Variants in CIB1 observed in about 807,000 individuals in gnomAD.
CIB1 encodes the protein calcium and integrin binding 1, also known as calcium and integrin-binding protein 1.
Under a neutral mutation model 25.0 loss-of-function variants are expected in CIB1, and 19 were observed. That is an observed-to-expected ratio of 0.76 (90% CI 0.53 to 1.12). The LOEUF is 1.12. CIB1 is among the 50% of genes most tolerant of loss of function. The pLI is 0.00. For synonymous variants in CIB1, 104 were observed against 98.5 expected (o/e 1.06, Z -0.33); for missense variants, 236 against 242.6 (o/e 0.97, Z 0.18).
chr15:90,241,614 G>A, the CIB1 span: 20 of 1,613,874 alleles, frequency 1.2e-5, no homozygotes, highest in Admixed American at 1.7e-5. Context: ...GGCGCCAAGC[G>A]AGCCCCTGGA....
At position 90,233,905 on chromosome 15, in the gene CIB1, C is replaced by A; in HGVS notation, c.-20G>T. On this transcript the variant is annotated 5_prime_UTR_variant, in exon 1 of 7. Transcript: ENST00000328649. The stretch of plus-strand genomic sequence containing the variant: ...CCCCATCGCCCCGCCGCGCGCACAG[C>A]TCCGCCAACTCGCCTCGAGACGCAG... 6.9e-7 allele frequency: 1 copy of A among 1,456,216 alleles called. No homozygotes were observed. The highest frequency in any genetic ancestry group is 9.0e-7 in the Non-Finnish European group (1 of 1,108,632). 90.2% of individuals were successfully genotyped at this position (1,456,216 alleles called of 1,614,324 possible). A position where few individuals can be genotyped will look rare whatever the true frequency, so the allele number is the denominator to read the frequency against.
At chr15:90,258,183 T>C in the CIB1 span, 1 of 1,614,256 alleles carries the variant, frequency 6.2e-7, no homozygotes, top group Non-Finnish European at 8.5e-7. Context: ...TTTTCCCCAG[T>C]ATCTGAATGG....
In CIB1 at chr15:90,231,341, T is replaced by C. The variant is rs372502181; in HGVS notation, c.346+16A>G. ...GGGAAGGGGTGGTGTCCTGCCGGGC[T>C]GCTCCTGGTTCTCACCAAAGATGCG... On this transcript the variant is annotated intron_variant, in intron 4 of 6. Transcript: ENST00000328649. 6.2e-7 allele frequency: 1 copy of C among 1,612,434 alleles called. No individual in the cohort carries two copies.
At chr15:90,250,993 A>G in the CIB1 span, 1 of 1,410,224 alleles carries the variant, frequency 7.1e-7, no homozygotes, top group South Asian at 1.4e-5. Context: ...CCTTTAGCCT[A>G]CAAAAGAGGA....
the CIB1 span, chr15:90,256,342 C>T: frequency 1.2e-6 from 2 of 1,610,840 alleles, no homozygotes; most frequent in Non-Finnish European, 1.7e-6. Flanking sequence ...GTCCCCAGCA[C>T]TGGGCTGCCT....
chr15:90,251,099 G>A, the CIB1 span, among the ~76,000 whole-genome samples: 1 of 144,736 alleles, frequency 6.9e-6, no homozygotes, highest in African/African-American at 2.6e-5. Context: ...GCCTGTTTAT[G>A]TCATCCTGGT....
At chr15:90,246,787 C>CAAAAAAAAAA in the CIB1 span, among the ~76,000 whole-genome samples, 55 of 45,248 alleles carry the variant, frequency 1.2e-3, 6 homozygotes, top group Non-Finnish European at 1.4e-3. Context: ...GACTCTGTCT[C>CAAAAAAAAAA]AAAAAAAAAA....
At chr15:90,241,006 A>G in the CIB1 span, 6 of 1,614,036 alleles carry the variant, frequency 3.7e-6, no homozygotes, top group Non-Finnish European at 5.1e-6. Context: ...GTTTATGGGC[A>G]GAAGGATCTC....
chr15:90,257,050 A>G, the CIB1 span: 67 of 1,254,844 alleles, frequency 5.3e-5, no homozygotes, highest in Non-Finnish European at 7.4e-5. Flanking sequence ...TGGAAATTCA[A>G]TTAGCTATGT....
chr15:90,233,519 G>C (rs1200640574), intron 2 of CIB1, 150 bp downstream of exon 2: 8 of 1,005,788 alleles, frequency 8.0e-6, no homozygotes, highest in South Asian at 7.0e-5. Flanking sequence ...GTGCCGGGAG[G>C]AGGGCGCAGC....
At position 90,232,260 on chromosome 15, in the gene CIB1, G is replaced by A. The variant is rs1254404308; in HGVS notation, c.154C>T (p.Gln52Ter). The A allele has an allele frequency of 6.2e-7, 1 of 1,612,966 alleles. No individual in the cohort carries two copies. Among genetic ancestry groups the A allele is most frequent in the East Asian group, 2.2e-5 (1 of 44,830 alleles). ...QRSVESSLRA[Q>*]VPFEQILSLP... ...CTGAGAATCTGCTCGAAGGGCACTTGTGCCCGAAGTGACGACTCCACGCTC... is the reference window on the plus strand; with the variant it reads ...CTGAGAATCTGCTCGAAGGGCACTTATGCCCGAAGTGACGACTCCACGCTC... The change falls in exon 3 of 7, where the codon CAA becomes TAA. Residue 52 changes from glutamine (Q) to a stop codon, truncating the protein, a stop_gained. Transcript: ENST00000328649. LOFTEE classifies it high-confidence loss of function.
the CIB1 span, chr15:90,242,253 CTTTTTTTTT>C: frequency 2.1e-3 from 190 of 89,184 alleles, no homozygotes; most frequent in Middle Eastern, 0.018. Flanking sequence ...ACACACCTGG[CTTTTTTTTT>C]TTTTTTTTTT....
At chr15:90,253,219 C>G in the CIB1 span, 1 of 1,577,428 alleles carries the variant, frequency 6.3e-7, no homozygotes, top group East Asian at 2.2e-5. Context: ...GGTGTCCATG[C>G]TGGCACTACT....
chr15:90,231,610 G>C (rs1962494766), intron 3 of CIB1, 103 bp from the exon 4 acceptor site: 4 of 1,361,910 alleles, frequency 2.9e-6, no homozygotes, highest in East Asian at 4.7e-5. Flanking sequence ...AGCGAGCTCA[G>C]CCTCGTGGGG....
In CIB1 at chr15:90,231,032, G is replaced by T; in HGVS notation, c.466-10C>A. 1 of 1,613,790 alleles carries T rather than the reference G, an allele frequency of 6.2e-7. No individual in the cohort carries two copies. The highest frequency in any genetic ancestry group is 8.5e-7 in the Non-Finnish European group (1 of 1,179,678). On this transcript the variant is annotated splice_polypyrimidine_tract_variant and intron_variant, in intron 5 of 6. Transcript: ENST00000328649. Reference sequence around the variant, plus strand: ...CAGACTCCTCCAGGATCTGGGAAAGGGAGAGTTTCAGGCCAGAGCCCCAAC... The same window carrying T: ...CAGACTCCTCCAGGATCTGGGAAAGTGAGAGTTTCAGGCCAGAGCCCCAAC...
chr15:90,258,085 C>G, the CIB1 span: 2 of 1,614,220 alleles, frequency 1.2e-6, no homozygotes, highest in Non-Finnish European at 1.7e-6. Context: ...AGCTACAACC[C>G]TGGAGAGCTG....
chr15:90,262,361 CCT>C, the CIB1 span: 1 of 1,156,554 alleles, frequency 8.6e-7, no homozygotes, highest in South Asian at 1.7e-5. Flanking sequence ...CCTATCTTCC[CCT>C]CTCATTGCTC....
chr15:90,250,570 G>GGAGGTCT, the CIB1 span: 6 of 1,551,666 alleles, frequency 3.9e-6, no homozygotes, highest in Admixed American at 4.0e-5. Context: ...AGGGCCTGAG[G>GGAGGTCT]GAGGTCTGAG....
chr15:90,232,074 C>T, intron 3 of CIB1, 145 bp downstream of exon 3: 1 of 635,782 alleles, frequency 1.6e-6, no homozygotes, highest in Admixed American at 2.9e-5. Flanking sequence ...AAAGTCCTTG[C>T]CCCTAGAAAA....
Sources: gnomAD v4.1 joint callset for allele counts (sites outside exome capture counted in the v4.1 genomes callset) on GRCh38, gnomAD v4.1.1 for gene constraint, MANE v1.5 for transcripts, NCBI Gene and HGNC (gene_info 2026-07-23, HGNC 2026-07-21) for gene names.